NRXN1: variants seen among roughly 807,000 people sequenced by gnomAD.
NRXN1 encodes the protein neurexin 1.
A neutral mutation model predicts 150.9 loss-of-function variants in NRXN1; 39 were observed. The observed-to-expected ratio is 0.26, with a 90% CI of 0.20 to 0.34. The LOEUF (loss-of-function observed/expected upper bound fraction) is 0.34, where lower values mean the gene tolerates loss of function less well. Among genes scored for constraint, NRXN1 ranks in the 10% least tolerant of loss-of-function variants. The pLI, the probability that NRXN1 is intolerant of heterozygous loss-of-function variation, is 1.00. For synonymous variants in NRXN1, 924 were observed against 757.0 expected, an observed-to-expected ratio of 1.22 and a Z score of -3.62; for missense variants, 1,815 against 1,949.9, an observed-to-expected ratio of 0.93 and a Z score of 1.30.
chr2:50,833,079 A>T (rs761931909), intron 5 of NRXN1, among the ~76,000 whole-genome samples: 7 of 152,220 alleles, frequency 4.6e-5, no homozygotes, highest in Non-Finnish European at 7.4e-5. Context: ...GTTTAGCATT[A>T]GTCATCAGCA....
intron 5 of NRXN1, among the ~76,000 whole-genome samples, chr2:50,753,231 T>C (rs184299685): frequency 4.3e-4 from 66 of 152,088 alleles, no homozygotes; most frequent in Non-Finnish European, 5.6e-4. Context: ...AATATGGTTA[T>C]AATTGTAGAA....
intron 17 of NRXN1, among the ~76,000 whole-genome samples, chr2:50,317,783 C>T (rs999669317): frequency 2.4e-4 from 36 of 151,934 alleles, no homozygotes; most frequent in African/African-American, 8.2e-4. Flanking sequence ...AAAGTCAAAG[C>T]CACCAACAAC....
chr2:50,180,465 A>G (rs2060637167), intron 18 of NRXN1, among the ~76,000 whole-genome samples: 1 of 152,146 alleles, frequency 6.6e-6, no homozygotes, highest in Non-Finnish European at 1.5e-5. Context: ...TTGGATACTT[A>G]ATCCCCAGTG....
chr2:50,202,595 T>C (rs1268258510), intron 18 of NRXN1, among the ~76,000 whole-genome samples: 1 of 152,154 alleles, frequency 6.6e-6, no homozygotes, highest in Non-Finnish European at 1.5e-5. Context: ...AAAGGAACTA[T>C]TGACTTAAGC....
rs138921804 is a variant in NRXN1 at position 49,948,727 on chromosome 2, A to G, written c.4129-4936T>C. Among the ~76,000 whole-genome samples, 859 of 152,106 alleles carry G rather than the reference A, an allele frequency of 5.6e-3. 2 individuals carry two copies. The highest frequency in any genetic ancestry group is 9.1e-3 in the Non-Finnish European group (619 of 67,944). On this transcript the variant is annotated intron_variant, in intron 21 of 22. Transcript: ENST00000401669. ...GCTGCTGCTATGACTTGCTGTTGAGAGAGTGGTAGAAAGAAACTCAAATAT... is the reference window on the plus strand; with the variant it reads ...GCTGCTGCTATGACTTGCTGTTGAGGGAGTGGTAGAAAGAAACTCAAATAT...
intron 18 of NRXN1, among the ~76,000 whole-genome samples, chr2:50,189,447 T>C (rs2061314638): frequency 6.6e-6 from 1 of 152,102 alleles, no homozygotes; most frequent in African/African-American, 2.4e-5. Flanking sequence ...CAAACCACCA[T>C]GGCACACGTA....
At chr2:50,649,536 C>T (rs1685301889) in intron 5 of NRXN1, among the ~76,000 whole-genome samples, 2 of 151,882 alleles carry the variant, frequency 1.3e-5, no homozygotes, top group Admixed American at 1.3e-4. Context: ...TGTTCATTAG[C>T]TTAGTGAGAT....
Position 50,219,922 on chromosome 2 carries a change from C to A in NRXN1, c.3546+16867G>T, listed in dbSNP as rs57009419. On this transcript the variant is annotated intron_variant, in intron 18 of 22. Coordinates refer to ENST00000401669, the MANE Select transcript of NRXN1 (RefSeq NM_001330078.2). Reference sequence around the variant, plus strand: ...ACACATATATATATAAAATCTCTCTCTATATTATATATATTATATATTATA... The same window carrying A: ...ACACATATATATATAAAATCTCTCTATATATTATATATATTATATATTATA... 1.4e-4 allele frequency among the ~76,000 whole-genome samples: 12 copies of A among 87,932 alleles called. 1 individual carries two copies. Among genetic ancestry groups the A allele is most frequent in the East Asian group, 5.4e-4 (2 of 3,690 alleles). The allele number at this position is 87,932 out of a possible 152,430, so 57.7% of individuals were successfully genotyped here. A position where few individuals can be genotyped will look rare whatever the true frequency, so the allele number is the denominator to read the frequency against.
intron 5 of NRXN1, among the ~76,000 whole-genome samples, chr2:50,655,258 A>T (rs1037520660): frequency 1.3e-5 from 2 of 151,216 alleles, no homozygotes; most frequent in African/African-American, 2.4e-5. Context: ...TTCAAAATTA[A>T]AAAAAACACC....
chr2:50,107,539 A>ATATATTTTTTT (rs59921941), intron 18 of NRXN1, among the ~76,000 whole-genome samples: 15 of 129,878 alleles, frequency 1.2e-4, no homozygotes, highest in East Asian at 2.3e-4. Flanking sequence ...ATATATATAT[A>ATATATTTTTTT]TTTTTTTTTT....
Position 50,496,017 on chromosome 2 carries a change from A to T in NRXN1, c.2958T>A (p.Asn986Lys). 6.2e-7 allele frequency: 1 copy of T among 1,613,490 alleles called. No individual in the cohort carries two copies. The highest frequency in any genetic ancestry group is 8.5e-7 in the Non-Finnish European group (1 of 1,179,692). Reference protein sequence around the residue: ...KGSSNKPLNDNQWHNVMISRD... With the variant: ...KGSSNKPLNDKQWHNVMISRD... ...TTGATATCATCACGTTGTGCCACTG[A>T]TTGTCATTGAGAGGTTTATTTGAGC... is the stretch of plus-strand genomic sequence containing the variant. Residue 986 changes from asparagine (N) to lysine (K), a missense_variant, in exon 15 of 23, where the codon AAT becomes AAA. Physicochemically the swap from Asn to Lys is moderately conservative, Grantham distance 94. This residue lies in a region of NRXN1 where 339 missense variants were observed against 440.3 expected (regional missense o/e 0.77). Transcript: ENST00000401669.
chr2:50,247,498 C>A (rs1395660569), intron 17 of NRXN1, among the ~76,000 whole-genome samples: 1 of 152,138 alleles, frequency 6.6e-6, no homozygotes, highest in Non-Finnish European at 1.5e-5. Context: ...ATATGGTACA[C>A]TGAGGACACT....
At chr2:50,364,489 A>G (rs938740380) in intron 17 of NRXN1, among the ~76,000 whole-genome samples, 3 of 152,138 alleles carry the variant, frequency 2.0e-5, no homozygotes, top group African/African-American at 4.8e-5. Flanking sequence ...ACAGCTACAA[A>G]TAAGTCACAT....
intron 19 of NRXN1, among the ~76,000 whole-genome samples, chr2:50,074,465 G>A (rs1316243533): frequency 1.3e-5 from 2 of 152,094 alleles, no homozygotes; most frequent in East Asian, 1.9e-4. Context: ...TATATCTTCT[G>A]TAAAATGGGG....
At chr2:50,103,353 A>G (rs1326367784) in intron 18 of NRXN1, among the ~76,000 whole-genome samples, 2 of 152,014 alleles carry the variant, frequency 1.3e-5, no homozygotes, top group Non-Finnish European at 2.9e-5. Context: ...CTTAAGATTT[A>G]TGTCTGAAAT....
chr2:50,603,927 G>A (rs1676683634), intron 8 of NRXN1, among the ~76,000 whole-genome samples: 1 of 152,126 alleles, frequency 6.6e-6, no homozygotes, highest in Admixed American at 6.6e-5. Flanking sequence ...GACCACTCAA[G>A]CTCCCCACTC....
At chr2:50,772,228 A>G (rs1703097507) in intron 5 of NRXN1, among the ~76,000 whole-genome samples, 1 of 151,836 alleles carries the variant, frequency 6.6e-6, no homozygotes, top group Non-Finnish European at 1.5e-5. Flanking sequence ...AAATGGGAGG[A>G]TATCTGGGAT....
chr2:50,723,531 A>C (rs1445687297), intron 5 of NRXN1, among the ~76,000 whole-genome samples: 2 of 152,226 alleles, frequency 1.3e-5, no homozygotes. Flanking sequence ...ATCTAGGAGG[A>C]AAGCCAAAAT....
At position 50,019,229 on chromosome 2, in the gene NRXN1, GTACT is replaced by G. The variant is rs1558704538; in HGVS notation, c.4128+34038_4128+34041del. 8.5e-6 allele frequency: 4 copies of G among 471,416 alleles called. No individual in the cohort carries two copies. The East Asian group carries it at 2.8e-4, about 33-fold the overall frequency. 29.2% of individuals were successfully genotyped at this position (471,416 alleles called of 1,614,324 possible). A position where few individuals can be genotyped will look rare whatever the true frequency, so the allele number is the denominator to read the frequency against. On this transcript the variant is annotated intron_variant, in intron 21 of 22. Coordinates refer to ENST00000401669, the MANE Select transcript of NRXN1 (RefSeq NM_001330078.2). ...TCCTTCTAGTCATTCTCTCAGTTTA[GTACT>G]TACTTGTTTTCTTATTTGGGTTTTG...
Sources: allele counts gnomAD v4.1 joint callset (sites outside exome capture counted in the v4.1 genomes callset), GRCh38; gene constraint gnomAD v4.1.1; regional missense constraint gnomAD v4.1.1; transcripts MANE v1.5; gene names NCBI Gene and HGNC (gene_info 2026-07-23, HGNC 2026-07-21).